AGBL4: variants seen among roughly 807,000 people sequenced by gnomAD.
AGBL4 encodes the protein cytosolic carboxypeptidase 6.
A neutral mutation model predicts 66.4 loss-of-function variants in AGBL4; 58 were observed. The observed-to-expected ratio is 0.87, with a 90% CI of 0.71 to 1.09. The LOEUF (loss-of-function observed/expected upper bound fraction) is 1.09. Ranked by LOEUF, AGBL4 falls within the 50% of genes least tolerant of loss-of-function variation. The pLI is 0.00. For synonymous variants in AGBL4, 234 were observed against 222.9 expected (o/e 1.05, Z -0.44); for missense variants, 579 against 631.0 (o/e 0.92, Z 0.88).
At chr1:49,439,340 A>G (rs921256583) in intron 3 of AGBL4, among the ~76,000 whole-genome samples, 10 of 152,278 alleles carry the variant, frequency 6.6e-5, no homozygotes, top group Admixed American at 5.9e-4. Flanking sequence ...CTACTGTTTA[A>G]TCATGTCTCC....
chr1:49,920,911 T>C (rs1361261773), intron 1 of AGBL4, among the ~76,000 whole-genome samples: 1 of 152,040 alleles, frequency 6.6e-6, no homozygotes, highest in African/African-American at 2.4e-5. Flanking sequence ...TATGCAGCCA[T>C]AAAAAAGGAT....
chr1:49,741,334 TC>T (rs1650444367), intron 2 of AGBL4, among the ~76,000 whole-genome samples: 1 of 152,010 alleles, frequency 6.6e-6, no homozygotes, highest in East Asian at 1.9e-4. Context: ...ACATACACCC[TC>T]CCAAGACTAA....
At chr1:48,874,838 C>A (rs965341117) in intron 5 of AGBL4, among the ~76,000 whole-genome samples, 1 of 152,044 alleles carries the variant, frequency 6.6e-6, no homozygotes, top group African/African-American at 2.4e-5. Context: ...CTCATGCCCA[C>A]CCCCAAGCCT....
At chr1:49,702,226 C>T (rs570566429) in intron 2 of AGBL4, among the ~76,000 whole-genome samples, 3 of 152,234 alleles carry the variant, frequency 2.0e-5, no homozygotes, top group South Asian at 2.1e-4. Flanking sequence ...GGTGTGGTGG[C>T]TCACACCTGT....
intron 2 of AGBL4, among the ~76,000 whole-genome samples, chr1:49,711,435 C>T (rs747926205): frequency 6.6e-5 from 10 of 152,036 alleles, no homozygotes; most frequent in Non-Finnish European, 1.0e-4. Context: ...ATACATACAA[C>T]ATGGATCAAT....
At chr1:48,839,147 A>G (rs1474432336) in intron 6 of AGBL4, among the ~76,000 whole-genome samples, 2 of 152,158 alleles carry the variant, frequency 1.3e-5, no homozygotes, top group Non-Finnish European at 2.9e-5. Flanking sequence ...AATTAGAAAT[A>G]ACATACGATC....
At chr1:48,634,431 A>G (rs774324040) in intron 9 of AGBL4, 62 bp downstream of exon 9, 1 of 1,383,782 alleles carries the variant, frequency 7.2e-7, no homozygotes, top group Non-Finnish European at 1.0e-6. Flanking sequence ...TCCCAATACA[A>G]TGCTGCCCTT....
chr1:49,866,366 C>T (rs1646700586), intron 1 of AGBL4, among the ~76,000 whole-genome samples: 1 of 152,036 alleles, frequency 6.6e-6, no homozygotes, highest in Non-Finnish European at 1.5e-5. Context: ...ACAGAAAGGC[C>T]AAGTTGCCTA....
chr1:49,770,235 C>T lies in AGBL4; in HGVS notation c.158-72798G>A, dbSNP rs559181193. ...TTTGTTGAGAGTTTTGATTATGAAG[C>T]GATGTAGAATTTTCTCAAATGCTTT... On this transcript the variant is annotated intron_variant, in intron 2 of 13. Transcript: ENST00000371839. Among the ~76,000 whole-genome samples the T allele has an allele frequency of 7.9e-5, 12 of 152,092 alleles. No homozygotes were observed. In the South Asian group the frequency reaches 1.2e-3, roughly 16 times the overall value.
chr1:49,804,877 CA>C (rs893575423), intron 2 of AGBL4, among the ~76,000 whole-genome samples: 2 of 152,080 alleles, frequency 1.3e-5, no homozygotes, highest in South Asian at 2.1e-4. Context: ...TAACAAACCA[CA>C]AAAAAACTTT....
At chr1:49,696,284 C>T (rs1273909141) in intron 3 of AGBL4, among the ~76,000 whole-genome samples, 1 of 152,032 alleles carries the variant, frequency 6.6e-6, no homozygotes, top group Non-Finnish European at 1.5e-5. Context: ...TTTATTCAAG[C>T]ATACGTTTTT....
intron 3 of AGBL4, among the ~76,000 whole-genome samples, chr1:49,440,218 C>A (rs998454556): frequency 2.0e-5 from 3 of 151,846 alleles, no homozygotes; most frequent in African/African-American, 7.3e-5. Flanking sequence ...TATAGGCGCC[C>A]GCCACCACGC....
chr1:48,875,115 G>C (rs965617927), intron 5 of AGBL4, among the ~76,000 whole-genome samples: 1 of 152,172 alleles, frequency 6.6e-6, no homozygotes, highest in African/African-American at 2.4e-5. Context: ...CCCTCAAAGA[G>C]CTAGCTAGAC....
intron 4 of AGBL4, among the ~76,000 whole-genome samples, chr1:49,216,911 A>G (rs1271649513): frequency 2.0e-5 from 3 of 152,130 alleles, no homozygotes; most frequent in South Asian, 4.1e-4. Context: ...CAATAACCGT[A>G]TGGCTCCCCC....
chr1:49,395,250 T>TA (rs1644933893), intron 3 of AGBL4, among the ~76,000 whole-genome samples: 1 of 152,178 alleles, frequency 6.6e-6, no homozygotes, highest in African/African-American at 2.4e-5. Context: ...CATGGTACCC[T>TA]AGGCTATCTT....
chr1:49,935,138 C>A (rs1233382216), intron 1 of AGBL4, among the ~76,000 whole-genome samples: 1 of 152,212 alleles, frequency 6.6e-6, no homozygotes, highest in African/African-American at 2.4e-5. Flanking sequence ...CCTAATACAG[C>A]GCTTTTCCGA....
chr1:49,024,317 T>C (rs1292954669), intron 5 of AGBL4, among the ~76,000 whole-genome samples: 1 of 152,146 alleles, frequency 6.6e-6, no homozygotes, highest in Non-Finnish European at 1.5e-5. Flanking sequence ...TCTAGATGTC[T>C]TTCCAATCTT....
intron 3 of AGBL4, among the ~76,000 whole-genome samples, chr1:49,322,532 T>C (rs546185472): frequency 6.6e-6 from 1 of 152,218 alleles, no homozygotes; most frequent in Non-Finnish European, 1.5e-5. Flanking sequence ...GATTCTGAGA[T>C]GAAATCATCT....
At chr1:49,694,445 A>C (rs1646946092) in intron 3 of AGBL4, among the ~76,000 whole-genome samples, 1 of 152,166 alleles carries the variant, frequency 6.6e-6, no homozygotes, top group African/African-American at 2.4e-5. Context: ...AATGGCCCAC[A>C]GAAAGAGGCT....
Sources: gnomAD v4.1 joint callset for allele counts (sites outside exome capture counted in the v4.1 genomes callset) on GRCh38, gnomAD v4.1.1 for gene constraint, MANE v1.5 for transcripts, NCBI Gene and HGNC (gene_info 2026-07-23, HGNC 2026-07-21) for gene names.